The following PKHD1 variants were observed in gnomAD, a reference collection of about 807,000 sequenced individuals.
The protein encoded by PKHD1 is fibrocystin.
In PKHD1, 291 loss-of-function variants were observed where a neutral mutation model predicts 412.0. The observed-to-expected ratio is 0.71, with a 90% CI of 0.64 to 0.78. The LOEUF (loss-of-function observed/expected upper bound fraction) is 0.78, where lower values mean the gene tolerates loss of function less well. Among genes scored for constraint, PKHD1 ranks in the 30% least tolerant of loss-of-function variants. The pLI, the probability that PKHD1 is intolerant of heterozygous loss-of-function variation, is 0.00. For synonymous variants in PKHD1, 1,777 were observed against 1,821.5 expected, an observed-to-expected ratio of 0.98 and a Z score of 0.62; for missense variants, 4,825 against 4,950.7, an observed-to-expected ratio of 0.97 and a Z score of 0.76.
At chr6:52,037,474 C>T (rs1010804097) in intron 27 of PKHD1, among the ~76,000 whole-genome samples, 12 of 152,008 alleles carry the variant, frequency 7.9e-5, no homozygotes, top group African/African-American at 2.7e-4. Flanking sequence ...ATAAAATGCT[C>T]TTTAAAATCA....
intron 19 of PKHD1, among the ~76,000 whole-genome samples, chr6:52,054,515 G>A (rs965375520): frequency 1.3e-5 from 2 of 152,166 alleles, no homozygotes; most frequent in East Asian, 1.9e-4. Context: ...GTGCAACCTC[G>A]AGCAAGTAAC....
rs550811552 is a variant in PKHD1 at position 51,991,476 on chromosome 6, C to A, written c.5751+18833G>T. On this transcript the variant is annotated intron_variant, in intron 35 of 66. Coordinates refer to ENST00000371117, the MANE Select transcript of PKHD1 (RefSeq NM_138694.4). Reference sequence around the variant, plus strand: ...TCTTTTCAAAGGATAACCTACATAACATAGTCCTCACTTAAAAAAATAAAA... The same window carrying A: ...TCTTTTCAAAGGATAACCTACATAAAATAGTCCTCACTTAAAAAAATAAAA... 3.0e-4 allele frequency among the ~76,000 whole-genome samples: 45 copies of A among 152,294 alleles called. No individual in the cohort carries two copies. The South Asian group carries it at 9.1e-3, about 31-fold the overall frequency.
chr6:52,005,794 G>GT (rs2128107011), intron 35 of PKHD1, among the ~76,000 whole-genome samples: 1 of 151,968 alleles, frequency 6.6e-6, no homozygotes, highest in East Asian at 1.9e-4. Flanking sequence ...ATGTATTCAC[G>GT]TATTGAAGGA....
rs1392181356 is a variant in PKHD1, at chr6:51,901,063, GT to G, written c.6996+2533del. 1.7e-4 allele frequency among the ~76,000 whole-genome samples: 26 copies of G among 152,174 alleles called. No individual in the cohort carries two copies. In the Middle Eastern group the frequency reaches 0.01, roughly 60 times the overall value. On this transcript the variant is annotated intron_variant, in intron 43 of 66. Coordinates refer to ENST00000371117, the MANE Select transcript of PKHD1 (RefSeq NM_138694.4). Reference sequence around the variant, plus strand: ...GGAGAAATAGGAACACTTTTACACTGTTGGTGGGACTGTAAACTAGTTCAAC... The same window carrying G: ...GGAGAAATAGGAACACTTTTACACTGTGGTGGGACTGTAAACTAGTTCAAC...
chr6:51,826,635 A>G (rs116087704), intron 52 of PKHD1, among the ~76,000 whole-genome samples: 8,313 of 152,266 alleles, frequency 0.055, 235 homozygotes, highest in South Asian at 0.071. Context: ...TCCAATATTT[A>G]GAAAGCAAAG....
At chr6:51,770,509 T>C (rs1216716643) in intron 55 of PKHD1, among the ~76,000 whole-genome samples, 3 of 151,900 alleles carry the variant, frequency 2.0e-5, no homozygotes, top group African/African-American at 7.2e-5. Flanking sequence ...ACCCAATTTT[T>C]CTATATAGCA....
At chr6:51,807,458 A>AAAAAAT (rs1332349363) in intron 52 of PKHD1, among the ~76,000 whole-genome samples, 2 of 49,676 alleles carry the variant, frequency 4.0e-5, no homozygotes, top group Non-Finnish European at 8.3e-5. Flanking sequence ...AAAAAAAAAA[A>AAAAAAT]ATATATATAT....
At chr6:51,654,685 C>T (rs556314712) in intron 61 of PKHD1, among the ~76,000 whole-genome samples, 2 of 151,488 alleles carry the variant, frequency 1.3e-5, no homozygotes, top group South Asian at 2.1e-4. Flanking sequence ...ATCCTTTTCA[C>T]AGCAAAATAG....
intron 40 of PKHD1, among the ~76,000 whole-genome samples, chr6:51,907,195 G>A (rs191317293): frequency 1.4e-4 from 22 of 152,248 alleles, no homozygotes; most frequent in Admixed American, 9.2e-4. Context: ...AGGGAGCTTT[G>A]TATTATTACT....
At chr6:51,962,337 A>G (rs1456828241) in intron 35 of PKHD1, among the ~76,000 whole-genome samples, 1 of 152,138 alleles carries the variant, frequency 6.6e-6, no homozygotes, top group African/African-American at 2.4e-5. Flanking sequence ...TCAAAGGTAG[A>G]CTATTTCATG....
At chr6:51,999,561 A>G (rs1450271880) in intron 35 of PKHD1, among the ~76,000 whole-genome samples, 1 of 152,218 alleles carries the variant, frequency 6.6e-6, no homozygotes, top group African/African-American at 2.4e-5. Context: ...TCTTTAAAGT[A>G]AGAGCAGACT....
At chr6:51,790,737 C>A (rs1363907126) in intron 53 of PKHD1, among the ~76,000 whole-genome samples, 2 of 152,134 alleles carry the variant, frequency 1.3e-5, no homozygotes, top group African/African-American at 4.8e-5. Context: ...TTTTCTTTTC[C>A]CTTCACTCAC....
At chr6:51,796,097 TG>T (rs1794549687) in intron 52 of PKHD1, among the ~76,000 whole-genome samples, 1 of 152,222 alleles carries the variant, frequency 6.6e-6, no homozygotes, top group African/African-American at 2.4e-5. Context: ...AGCTCTTCCT[TG>T]TAACTCTGGT....
intron 60 of PKHD1, among the ~76,000 whole-genome samples, chr6:51,727,951 C>G (rs553952582): frequency 6.6e-6 from 1 of 152,154 alleles, no homozygotes; most frequent in Non-Finnish European, 1.5e-5. Flanking sequence ...GTCTAACAAC[C>G]TATAACACAT....
chr6:51,881,235 T>C (rs1777291417), intron 46 of PKHD1, among the ~76,000 whole-genome samples: 1 of 152,134 alleles, frequency 6.6e-6, no homozygotes, highest in Admixed American at 6.5e-5. Context: ...GTGTATTTTT[T>C]CAATGAATTT....
At position 52,048,503 on chromosome 6, in the gene PKHD1, G is replaced by A. The variant is rs1465053705; in HGVS notation, c.2396C>T (p.Thr799Ile). 6 of 1,613,980 alleles carry A rather than the reference G, an allele frequency of 3.7e-6. No homozygotes were observed. Among genetic ancestry groups the A allele is most frequent in the Non-Finnish European group, 5.1e-6 (6 of 1,179,960 alleles). The change falls in exon 23 of 67, where the codon ACA becomes ATA. Residue 799 changes from threonine to isoleucine, a missense_variant. Thr to Ile is a moderately conservative substitution (Grantham distance 89). Coordinates refer to ENST00000371117, the MANE Select transcript of PKHD1 (RefSeq NM_138694.4). ...AATCACCCCTTTACCAGAAATCACT[G>A]TATTAGGAAGCTGGATGCGAAAGTG... ...GGHFRIQLPN[T>I]VISDVPVQIS...
intron 65 of PKHD1, among the ~76,000 whole-genome samples, chr6:51,629,326 C>T (rs370212640): frequency 1.3e-5 from 2 of 151,834 alleles, no homozygotes; most frequent in East Asian, 1.9e-4. Flanking sequence ...CTGACAAAGG[C>T]CTAATACCAG....
intron 37 of PKHD1, among the ~76,000 whole-genome samples, chr6:51,915,546 G>A (rs201921097): frequency 2.0e-5 from 3 of 152,036 alleles, no homozygotes; most frequent in African/African-American, 7.2e-5. Flanking sequence ...AAATGAGACA[G>A]AGAAACAAGC....
intron 63 of PKHD1, among the ~76,000 whole-genome samples, chr6:51,646,567 C>T (rs946971650): frequency 6.6e-6 from 1 of 152,134 alleles, no homozygotes; most frequent in African/African-American, 2.4e-5. Context: ...AAAGGGCCTA[C>T]GTCTTAATTT....
Sources: allele counts gnomAD v4.1 joint callset (sites outside exome capture counted in the v4.1 genomes callset), GRCh38; gene constraint gnomAD v4.1.1; transcripts MANE v1.5; gene names NCBI Gene and HGNC (gene_info 2026-07-23, HGNC 2026-07-21).